The following CEP57 variants were observed in gnomAD, a reference collection of about 807,000 sequenced individuals.
CEP57 encodes the protein centrosomal protein of 57 kDa.
Under a neutral mutation model 68.0 loss-of-function variants are expected in CEP57, and 40 were observed. The ratio of observed to expected loss-of-function variants is 0.59; its 90% CI spans 0.46 to 0.77. The LOEUF (loss-of-function observed/expected upper bound fraction) is 0.77, where lower values mean the gene tolerates loss of function less well. Ranked by LOEUF, CEP57 falls within the 30% of genes least tolerant of loss-of-function variation. The probability of loss-of-function intolerance (pLI) is 0.00; values close to 1 mark genes in which losing one functional copy is unlikely to be tolerated. For synonymous variants in CEP57, 219 were observed against 198.7 expected (o/e 1.10, Z -0.86); for missense variants, 606 against 580.7 (o/e 1.04, Z -0.45).
intron 2 of CEP57, among the ~76,000 whole-genome samples, chr11:95,805,864 T>G (rs1385673209): frequency 6.6e-6 from 1 of 152,200 alleles, no homozygotes; most frequent in East Asian, 1.9e-4. Context: ...ATTTAGTGTA[T>G]GATCAATTTG....
chr11:95,808,585 A>G (rs1255164), intron 2 of CEP57, among the ~76,000 whole-genome samples: 34,870 of 151,606 alleles, frequency 0.23, 8,534 homozygotes, highest in African/African-American at 0.62. Context: ...CTCTGATAAA[A>G]CGGACTAGAT....
chr11:95,824,386 T>A (rs906764902), intron 8 of CEP57, among the ~76,000 whole-genome samples: 1 of 150,042 alleles, frequency 6.7e-6, no homozygotes, highest in Non-Finnish European at 1.5e-5. Context: ...AGGATTGCTA[T>A]AAGAAAGGCA....
At chr11:95,818,349 T>G (rs566678893) in intron 5 of CEP57, among the ~76,000 whole-genome samples, 2 of 150,994 alleles carry the variant, frequency 1.3e-5, no homozygotes, top group South Asian at 4.2e-4. Flanking sequence ...AGGCGGAGGT[T>G]GTTGTGAGCC....
chr11:95,824,249 A>G (rs576845971), intron 8 of CEP57, among the ~76,000 whole-genome samples: 1 of 152,046 alleles, frequency 6.6e-6, no homozygotes, highest in African/African-American at 2.4e-5. Context: ...CTCTTTAAAA[A>G]ATTTTTTTTA....
At chr11:95,830,159 G>A (rs915194363) in intron 10 of CEP57, among the ~76,000 whole-genome samples, 2 of 152,138 alleles carry the variant, frequency 1.3e-5, no homozygotes, top group Non-Finnish European at 2.9e-5. Context: ...AGGCTTCTGA[G>A]GTGGGTATAT....
intron 4 of CEP57, among the ~76,000 whole-genome samples, chr11:95,814,078 T>G (rs374111921): frequency 2.0e-5 from 3 of 152,042 alleles, no homozygotes; most frequent in Admixed American, 6.5e-5. Context: ...GATCTCACTC[T>G]GTCTCACTCT....
rs1027131559 is a variant in CEP57, at chr11:95,831,679, G to T, written c.*423G>T. On this transcript the variant is annotated 3_prime_UTR_variant, in exon 11 of 11. Coordinates refer to ENST00000325542, the MANE Select transcript of CEP57 (RefSeq NM_014679.5). Reference sequence around the variant, plus strand: ...CATTTTTAAATCTCCCTGGCATGAGGTGCCCACTTCCCCTTTCCAAAGCAA... The same window carrying T: ...CATTTTTAAATCTCCCTGGCATGAGTTGCCCACTTCCCCTTTCCAAAGCAA... 6.6e-6 allele frequency: 1 copy of T among 152,580 alleles called. No homozygotes were observed. Among genetic ancestry groups the T allele is most frequent in the Non-Finnish European group, 1.5e-5 (1 of 68,346 alleles). The allele number at this position is 152,580 out of a possible 1,614,324, so 9.5% of individuals were successfully genotyped here. A position where few individuals can be genotyped will look rare whatever the true frequency, so the allele number is the denominator to read the frequency against.
chr11:95,801,531 A>G (rs1861580011), intron 2 of CEP57, among the ~76,000 whole-genome samples: 1 of 152,074 alleles, frequency 6.6e-6, no homozygotes. Flanking sequence ...AAAAATAAGC[A>G]CAAAACAAAA....
Position 95,821,867 on chromosome 11 carries a change from C to T in CEP57, c.700-4C>T, listed in dbSNP as rs2135351739. The T allele has an allele frequency of 2.5e-6, 4 of 1,593,064 alleles. No individual in the cohort carries two copies. The highest frequency in any genetic ancestry group is 3.4e-6 in the Non-Finnish European group (4 of 1,162,542). ...CATTAACTTGAGGCTCTCATTTTTC[C>T]TAGTTGCAGACTGGTCTAGAAACAA... On this transcript the variant is annotated splice_polypyrimidine_tract_variant and splice_region_variant and intron_variant, in intron 6 of 10. Coordinates refer to ENST00000325542, the MANE Select transcript of CEP57 (RefSeq NM_014679.5).
At chr11:95,799,537 G>A (rs1338608278) in intron 2 of CEP57, 149 bp downstream of exon 2, 12 of 943,552 alleles carry the variant, frequency 1.3e-5, no homozygotes, top group Non-Finnish European at 1.8e-5. Context: ...TGCTTTTCTT[G>A]TATTCCTTAT....
intron 9 of CEP57, 92 bp downstream of exon 9, chr11:95,828,119 G>A: frequency 6.9e-7 from 1 of 1,452,416 alleles, no homozygotes; most frequent in African/African-American, 1.4e-5. Context: ...ACTTTCCTTT[G>A]TTGAGCAAGT....
intron 9 of CEP57, 130 bp from the exon 10 acceptor site, chr11:95,829,057 A>AT: frequency 1.0e-6 from 1 of 959,604 alleles, no homozygotes; most frequent in Non-Finnish European, 1.6e-6. Context: ...AAAAAAAAAA[A>AT]TTTATTGCTC....
intron 1 of CEP57, among the ~76,000 whole-genome samples, chr11:95,793,720 C>A (rs1454118191): frequency 1.3e-5 from 2 of 152,108 alleles, no homozygotes; most frequent in South Asian, 2.1e-4. Flanking sequence ...TTAATATTTC[C>A]TTTTTCAAAT....
chr11:95,792,869 G>A (rs1460020270), intron 1 of CEP57, among the ~76,000 whole-genome samples: 1 of 151,414 alleles, frequency 6.6e-6, no homozygotes, highest in Non-Finnish European at 1.5e-5. Context: ...TTCCAACAGC[G>A]TTGGAAAAGC....
chr11:95,803,561 GC>G (rs915486494), intron 2 of CEP57, among the ~76,000 whole-genome samples: 2 of 74,186 alleles, frequency 2.7e-5, no homozygotes, highest in Admixed American at 1.7e-4. Context: ...TTTGGCCCCT[GC>G]CCCCCCGCCC....
chr11:95,827,490 C>A, intron 8 of CEP57: 1 of 348,888 alleles, frequency 2.9e-6, no homozygotes, highest in African/African-American at 2.1e-5. Context: ...ATGTCATCTG[C>A]AAATATGGTT....
At chr11:95,816,553 A>T (rs1387600772) in intron 4 of CEP57, among the ~76,000 whole-genome samples, 1 of 152,210 alleles carries the variant, frequency 6.6e-6, no homozygotes, top group Non-Finnish European at 1.5e-5. Flanking sequence ...AGGCATATGT[A>T]ATAGATGTCA....
chr11:95,808,518 G>A (rs1015724161), intron 2 of CEP57, among the ~76,000 whole-genome samples: 6 of 152,080 alleles, frequency 3.9e-5, no homozygotes, highest in African/African-American at 1.2e-4. Context: ...TAAAAGGATG[G>A]AGGAAGATCT....
chr11:95,794,798 A>G (rs1260688540), intron 1 of CEP57, among the ~76,000 whole-genome samples: 2 of 151,882 alleles, frequency 1.3e-5, no homozygotes, highest in Non-Finnish European at 2.9e-5. Context: ...TTTTTTTCCT[A>G]CTTATTTTAA....
Sources: allele counts gnomAD v4.1 joint callset (sites outside exome capture counted in the v4.1 genomes callset), GRCh38; gene constraint gnomAD v4.1.1; transcripts MANE v1.5; gene names NCBI Gene and HGNC (gene_info 2026-07-23, HGNC 2026-07-21).